Variants in KCNAB1 observed in about 807,000 individuals in gnomAD.
The protein encoded by KCNAB1 is potassium voltage-gated channel subfamily A regulatory beta subunit 1.
Under a neutral mutation model 64.6 loss-of-function variants are expected in KCNAB1, and 35 were observed. The observed-to-expected ratio is 0.54, with a 90% confidence interval of 0.41 to 0.72. The LOEUF (loss-of-function observed/expected upper bound fraction) is 0.72, where lower values mean the gene tolerates loss of function less well. KCNAB1 is among the 30% of genes least tolerant of loss of function. The probability of loss-of-function intolerance (pLI) is 0.00; values close to 1 mark genes in which losing one functional copy is unlikely to be tolerated. For synonymous variants in KCNAB1, 177 were observed against 183.8 expected (o/e 0.96, Z 0.30); for missense variants, 401 against 512.9 (o/e 0.78, Z 2.11).
Position 156,174,430 on chromosome 3 carries a change from G to A in KCNAB1, c.275+53544G>A, listed in dbSNP as rs537168196. ...ATTCAGCAGGAGGAGCTCTTTAGCTGTGTGAACATCCATCAGAAGGGTAGG... is the reference window on the plus strand; with the variant it reads ...ATTCAGCAGGAGGAGCTCTTTAGCTATGTGAACATCCATCAGAAGGGTAGG... On this transcript the variant is annotated intron_variant, in intron 1 of 13. Coordinates refer to ENST00000490337, the MANE Select transcript of KCNAB1 (RefSeq NM_172160.3). 9.2e-5 allele frequency among the ~76,000 whole-genome samples: 14 copies of A among 152,326 alleles called. No homozygotes were observed. The South Asian group carries it at 1.2e-3, about 14-fold the overall frequency.
chr3:156,207,713 G>T lies in KCNAB1; in HGVS notation c.275+86827G>T, dbSNP rs147395799. Among the ~76,000 whole-genome samples the T allele has an allele frequency of 2.6e-5, 4 of 152,322 alleles. No homozygotes were observed. In the East Asian group the frequency reaches 7.7e-4, roughly 29 times the overall value. ...GACTAAAAAGACAAATCAGAGAGGA[G>T]AAATGCTTAGAGGGCTTCCTTGGTT... On this transcript the variant is annotated intron_variant, in intron 1 of 13. Transcript: ENST00000490337.
chr3:156,213,105 G>T (rs912734062), intron 1 of KCNAB1, among the ~76,000 whole-genome samples: 2 of 152,146 alleles, frequency 1.3e-5, no homozygotes, highest in African/African-American at 4.8e-5. Context: ...CTGGTGATGG[G>T]CTGAGTATGG....
At chr3:156,266,422 G>T (rs1430654432) in intron 1 of KCNAB1, among the ~76,000 whole-genome samples, 1 of 152,164 alleles carries the variant, frequency 6.6e-6, no homozygotes, top group Non-Finnish European at 1.5e-5. Flanking sequence ...CCAGAGGTTG[G>T]TTTAAATCCC....
intron 1 of KCNAB1, among the ~76,000 whole-genome samples, chr3:156,186,982 G>C (rs890054375): frequency 2.0e-5 from 3 of 151,886 alleles, no homozygotes; most frequent in African/African-American, 7.3e-5. Flanking sequence ...CTCCCAAGTA[G>C]CTGGGACCAC....
At chr3:156,437,943 C>T (rs10513490) in intron 2 of KCNAB1, among the ~76,000 whole-genome samples, 5,550 of 152,274 alleles carry the variant, frequency 0.036, 342 homozygotes, top group African/African-American at 0.13. Flanking sequence ...ATTCCTACAA[C>T]ATCCCAACCC....
In KCNAB1 at chr3:156,120,992, AATTGCCTTAGAGATG is replaced by A. The variant is rs1713310171; in HGVS notation, c.275+111_275+125del. On this transcript the variant is annotated intron_variant, in intron 1 of 13. Transcript: ENST00000490337. ...TGCAGCTGGAAGTCTTAACGGCTCT[AATTGCCTTAGAGATG>A]ATTGGCACTTCAGAATGTGTAACCA... 9 of 1,365,328 alleles carry A rather than the reference AATTGCCTTAGAGATG, an allele frequency of 6.6e-6. No homozygotes were observed. The East Asian group carries it at 2.2e-4, about 33-fold the overall frequency. 84.6% of individuals were successfully genotyped at this position (1,365,328 alleles called of 1,614,324 possible).
chr3:156,159,147 A>T, intron 1 of KCNAB1, among the ~76,000 whole-genome samples: 1 of 152,180 alleles, frequency 6.6e-6, no homozygotes, highest in East Asian at 1.9e-4. Context: ...ATGGTAGTGA[A>T]GATTCCAGGT....
intron 1 of KCNAB1, among the ~76,000 whole-genome samples, chr3:156,357,020 T>C (rs1478884464): frequency 6.6e-6 from 1 of 152,198 alleles, no homozygotes; most frequent in African/African-American, 2.4e-5. Context: ...GGGTGTTTTA[T>C]TTGAAATGGT....
intron 1 of KCNAB1, among the ~76,000 whole-genome samples, chr3:156,309,609 A>T (rs769815992): frequency 1.3e-5 from 2 of 152,268 alleles, no homozygotes; most frequent in Non-Finnish European, 2.9e-5. Context: ...ACAATGTTAG[A>T]TAATGTAAAG....
chr3:156,304,295 G>C (rs546997081), intron 1 of KCNAB1, among the ~76,000 whole-genome samples: 3 of 152,214 alleles, frequency 2.0e-5, no homozygotes, highest in South Asian at 4.1e-4. Flanking sequence ...ATTACCTCAT[G>C]TCAACATCCA....
chr3:156,533,674 T>C (rs923631434), intron 13 of KCNAB1, among the ~76,000 whole-genome samples: 1 of 151,938 alleles, frequency 6.6e-6, no homozygotes, highest in African/African-American at 2.4e-5. Context: ...CAGGAGGCGA[T>C]GGTGGCTTGA....
At chr3:156,146,163 G>A (rs1267093015) in intron 1 of KCNAB1, among the ~76,000 whole-genome samples, 1 of 152,182 alleles carries the variant, frequency 6.6e-6, no homozygotes, top group Non-Finnish European at 1.5e-5. Flanking sequence ...AAAAAAATAA[G>A]TAAATATGCA....
At chr3:156,147,964 C>CACAT (rs1553808786) in intron 1 of KCNAB1, among the ~76,000 whole-genome samples, 2 of 151,286 alleles carry the variant, frequency 1.3e-5, no homozygotes, top group African/African-American at 2.4e-5. Flanking sequence ...CACACACGCA[C>CACAT]GCACACGCAC....
At chr3:156,218,424 G>A (rs1241250180) in intron 1 of KCNAB1, among the ~76,000 whole-genome samples, 1 of 152,158 alleles carries the variant, frequency 6.6e-6, no homozygotes, top group Non-Finnish European at 1.5e-5. Flanking sequence ...GGCAGCTGAA[G>A]ACAAAGGTTA....
chr3:156,392,731 T>A (rs1713137962), intron 1 of KCNAB1, among the ~76,000 whole-genome samples: 1 of 152,234 alleles, frequency 6.6e-6, no homozygotes, highest in Non-Finnish European at 1.5e-5. Flanking sequence ...TTGTGGCAAC[T>A]ATTGGAATGA....
At chr3:156,315,943 A>G (rs572095043) in intron 1 of KCNAB1, among the ~76,000 whole-genome samples, 1 of 152,354 alleles carries the variant, frequency 6.6e-6, no homozygotes, top group South Asian at 2.1e-4. Context: ...ATAGAAGAAT[A>G]ATGGTATTCT....
At chr3:156,166,974 G>C (rs1463219332) in intron 1 of KCNAB1, among the ~76,000 whole-genome samples, 1 of 152,166 alleles carries the variant, frequency 6.6e-6, no homozygotes, top group Non-Finnish European at 1.5e-5. Flanking sequence ...TCTTGGTTGT[G>C]CTAGACTGTC....
At chr3:156,450,555 T>TG (rs1189978173) in intron 2 of KCNAB1, among the ~76,000 whole-genome samples, 1 of 152,218 alleles carries the variant, frequency 6.6e-6, no homozygotes, top group Non-Finnish European at 1.5e-5. Context: ...CATTTACAAA[T>TG]GCCTGTTGAG....
At chr3:156,157,573 G>A (rs1715795945) in intron 1 of KCNAB1, among the ~76,000 whole-genome samples, 1 of 152,060 alleles carries the variant, frequency 6.6e-6, no homozygotes, top group Non-Finnish European at 1.5e-5. Context: ...CCCTTTATAG[G>A]TTATAAAATT....
Sources: gnomAD v4.1 joint callset for allele counts (sites outside exome capture counted in the v4.1 genomes callset) on GRCh38, gnomAD v4.1.1 for gene constraint, MANE v1.5 for transcripts, NCBI Gene and HGNC (gene_info 2026-07-23, HGNC 2026-07-21) for gene names.